MEF2C: variants seen among roughly 807,000 people sequenced by gnomAD.
MEF2C encodes the protein myocyte-specific enhancer factor 2C.
Under a neutral mutation model 50.5 loss-of-function variants are expected in MEF2C, and 6 were observed. The ratio of observed to expected loss-of-function variants is 0.12; its 90% CI spans 0.07 to 0.23. The LOEUF (loss-of-function observed/expected upper bound fraction) is 0.23, where lower values mean the gene tolerates loss of function less well. Ranked by LOEUF, MEF2C falls within the 10% of genes least tolerant of loss-of-function variation. The pLI, the probability that MEF2C is intolerant of heterozygous loss-of-function variation, is 1.00. For missense variants in MEF2C, 276 were observed against 605.0 expected, an observed-to-expected ratio of 0.46 and a Z score of 5.70; for synonymous variants, 183 against 228.0, an observed-to-expected ratio of 0.80 and a Z score of 1.78.
At chr5:88,734,616 ACT>A (rs1763345476) in intron 6 of MEF2C, 4 of 829,752 alleles carry the variant, frequency 4.8e-6, no homozygotes, top group Non-Finnish European at 5.6e-6. Context: ...TCTACAGTAA[ACT>A]CTCTGAGAAA....
intron 2 of MEF2C, among the ~76,000 whole-genome samples, chr5:88,811,298 G>A (rs975009800): frequency 6.6e-6 from 1 of 152,090 alleles, no homozygotes; most frequent in Non-Finnish European, 1.5e-5. Context: ...ATGTCCATGC[G>A]AAGAGGCAAA....
chr5:88,878,005 T>C (rs1831619291), intron 1 of MEF2C: 1 of 152,054 alleles, frequency 6.6e-6, no homozygotes, highest in Admixed American at 6.6e-5. Flanking sequence ...TCCACCCCTT[T>C]CTACATGTTT....
intron 5 of MEF2C, among the ~76,000 whole-genome samples, chr5:88,749,830 A>T (rs1350890497): frequency 6.6e-6 from 1 of 152,136 alleles, no homozygotes; most frequent in African/African-American, 2.4e-5. Context: ...GGAGATAGAG[A>T]CCATCCTGGC....
intron 1 of MEF2C, among the ~76,000 whole-genome samples, chr5:88,897,372 G>A (rs959091809): frequency 4.6e-5 from 7 of 152,164 alleles, no homozygotes; most frequent in African/African-American, 1.7e-4. Flanking sequence ...GGAGAATAAA[G>A]CCTATGGTTT....
At chr5:88,800,086 T>C (rs1797751505) in intron 3 of MEF2C, among the ~76,000 whole-genome samples, 1 of 152,206 alleles carries the variant, frequency 6.6e-6, no homozygotes. Context: ...CACTGGACTG[T>C]GGGCCCAGAC....
chr5:88,866,920 T>C (rs1271681402), intron 1 of MEF2C, among the ~76,000 whole-genome samples: 2 of 152,234 alleles, frequency 1.3e-5, no homozygotes, highest in Non-Finnish European at 2.9e-5. Flanking sequence ...ACCATATAAA[T>C]TACTATGATT....
intron 1 of MEF2C, among the ~76,000 whole-genome samples, chr5:88,901,556 C>G (rs1186942774): frequency 1.3e-5 from 2 of 150,034 alleles, no homozygotes; most frequent in Non-Finnish European, 3.0e-5. Flanking sequence ...TTTTTCTCCA[C>G]TGTAAATAAG....
intron 1 of MEF2C, among the ~76,000 whole-genome samples, chr5:88,870,050 G>C (rs551493126): frequency 6.6e-6 from 1 of 151,452 alleles, no homozygotes; most frequent in Non-Finnish European, 1.5e-5. Context: ...GAGTAGGAAG[G>C]TAGGTTTGCT....
chr5:88,744,548 G>A (rs1336717211), intron 6 of MEF2C, among the ~76,000 whole-genome samples: 4 of 151,594 alleles, frequency 2.6e-5, no homozygotes, highest in Non-Finnish European at 4.4e-5. Flanking sequence ...ACAAGACTCC[G>A]TCTCAAAAAA....
At chr5:88,901,244 A>T (rs554448581) in intron 1 of MEF2C, among the ~76,000 whole-genome samples, 191 of 150,536 alleles carry the variant, frequency 1.3e-3, no homozygotes, top group Non-Finnish European at 2.8e-4. Context: ...ATCAACAGGG[A>T]TGAGTAATAT....
At chr5:88,846,819 A>G (rs1819530593) in intron 1 of MEF2C, among the ~76,000 whole-genome samples, 1 of 152,224 alleles carries the variant, frequency 6.6e-6, no homozygotes, top group South Asian at 2.1e-4. Context: ...CAACTCTTCT[A>G]TTTTAATTGT....
chr5:88,870,499 G>T (rs1352453625), intron 1 of MEF2C, among the ~76,000 whole-genome samples: 1 of 151,990 alleles, frequency 6.6e-6, no homozygotes, highest in Non-Finnish European at 1.5e-5. Flanking sequence ...GATGACAGTG[G>T]AAAAACGCAC....
intron 6 of MEF2C, chr5:88,739,447 T>C: frequency 1.0e-6 from 1 of 961,228 alleles, no homozygotes; most frequent in Non-Finnish European, 1.2e-6. Context: ...TTTTATATTT[T>C]AGTTTTTAAA....
intron 6 of MEF2C, chr5:88,740,878 T>A (rs1766387552): frequency 1.0e-6 from 1 of 985,178 alleles, no homozygotes; most frequent in African/African-American, 1.7e-5. Context: ...AATGAGGGGG[T>A]GTCTTCATTA....
At chr5:88,761,356 A>G in intron 3 of MEF2C, 28 bp from the exon 4 acceptor site, 1 of 1,600,812 alleles carries the variant, frequency 6.2e-7, no homozygotes, top group East Asian at 2.2e-5. Context: ...GAAAGTTCAA[A>G]CCTAGACAAA....
At chr5:88,779,760 G>GTTTTT (rs70996493) in intron 3 of MEF2C, among the ~76,000 whole-genome samples, 4 of 147,152 alleles carry the variant, frequency 2.7e-5, no homozygotes, top group African/African-American at 5.0e-5. Flanking sequence ...GCAAAGTGAG[G>GTTTTT]TTTTTTTTTT....
chr5:88,887,853 T>C (rs566221542), upstream of MEF2C, among the ~76,000 whole-genome samples: 1 of 152,342 alleles, frequency 6.6e-6, no homozygotes, highest in East Asian at 1.9e-4. Flanking sequence ...ATACAGCATG[T>C]GGAATGTCTG....
chr5:88,729,941 T>C (rs1020987757), intron 8 of MEF2C, among the ~76,000 whole-genome samples: 1 of 152,162 alleles, frequency 6.6e-6, no homozygotes, highest in African/African-American at 2.4e-5. Flanking sequence ...AGAAGAAATA[T>C]TTTAGTTTTA....
intron 2 of MEF2C, chr5:88,819,258 A>T (rs1171601204): frequency 2.7e-6 from 2 of 742,080 alleles, no homozygotes; most frequent in African/African-American, 3.8e-5. Flanking sequence ...CACTAGATGC[A>T]TCATGACATA....
Sources: gnomAD v4.1 joint callset for allele counts (sites outside exome capture counted in the v4.1 genomes callset) on GRCh38, gnomAD v4.1.1 for gene constraint, MANE v1.5 for transcripts, NCBI Gene and HGNC (gene_info 2026-07-23, HGNC 2026-07-21) for gene names.